Variants in LETMD1 observed in about 807,000 individuals in gnomAD.
LETMD1 encodes the protein LETM1 domain-containing protein 1.
A neutral mutation model predicts 43.9 loss-of-function variants in LETMD1; 30 were observed. The observed-to-expected ratio is 0.68, with a 90% confidence interval of 0.51 to 0.93. LETMD1 has a LOEUF of 0.93. LETMD1 is among the 40% of genes least tolerant of loss of function. The pLI is 0.00. For synonymous variants in LETMD1, 176 were observed against 163.1 expected (o/e 1.08, Z -0.60); for missense variants, 413 against 447.7 (o/e 0.92, Z 0.70).
At chr12:51,052,371 G>T in intron 3 of LETMD1, 164 bp downstream of exon 3, 1 of 754,452 alleles carries the variant, frequency 1.3e-6, no homozygotes, top group Non-Finnish European at 2.1e-6. Flanking sequence ...TTATTTGTAA[G>T]AATTGGGTTC....
chr12:51,049,148 C>A lies in LETMD1; in HGVS notation c.237C>A (p.Phe79Leu). The A allele has an allele frequency of 6.2e-7, 1 of 1,613,900 alleles. No individual in the cohort carries two copies. The highest frequency in any genetic ancestry group is 8.5e-7 in the Non-Finnish European group (1 of 1,179,846). Residue 79 changes from phenylalanine to leucine, a missense_variant, in exon 2 of 9, where the codon TTC (phenylalanine) becomes TTA (leucine). Transcript: ENST00000262055. Reference sequence around the variant, plus strand: ...ACCATCGTTTCTTGGGTCGTCATTTCCCCCGCTTCTATGTCCTGTACACAA... The same window carrying A: ...ACCATCGTTTCTTGGGTCGTCATTTACCCCGCTTCTATGTCCTGTACACAA... ...GKYHRFLGRH[F>L]PRFYVLYTIF...
chr12:51,063,803 C>G, downstream of LETMD1: 11 of 1,605,454 alleles, frequency 6.9e-6, no homozygotes, highest in Non-Finnish European at 9.4e-6. Flanking sequence ...CCTCATTCTG[C>G]TGGGAGGTCT....
chr12:51,059,427 G>T lies in LETMD1; in HGVS notation c.1079G>T (p.Arg360Leu), dbSNP rs749952646. 1.9e-6 allele frequency: 3 copies of T among 1,613,914 alleles called. No homozygotes were observed. Among genetic ancestry groups the T allele is most frequent in the Non-Finnish European group, 2.5e-6 (3 of 1,179,738 alleles). Residue 360 changes from arginine to leucine, a missense_variant, in exon 9 of 9, where the codon CGC becomes CTC. Coordinates refer to ENST00000262055, the MANE Select transcript of LETMD1 (RefSeq NM_015416.5). Reference protein sequence around the residue: ...LLSTNYLGTRR With the variant: ...LLSTNYLGTRL ...TCCACCAACTACCTTGGGACAAGGCGCTGAATGAACCATGGAGCGGATGGC... is the reference window on the plus strand; with the variant it reads ...TCCACCAACTACCTTGGGACAAGGCTCTGAATGAACCATGGAGCGGATGGC...
chr12:51,049,048 A>C lies in LETMD1; in HGVS notation c.137A>C (p.His46Pro), dbSNP rs1441966559. Residue 46 changes from histidine to proline, a missense_variant, in exon 2 of 9, where the codon CAC becomes CCC. Transcript: ENST00000262055. The stretch of plus-strand genomic sequence containing the variant: ...CTTCCTTGTAGGTCTTCAAAGCTTC[A>C]CCTTTCTCCAAAGGCAGATGTGAAG... Reference protein sequence around the residue: ...AWGAPRSSKLHLSPKADVKNL... With the variant: ...AWGAPRSSKLPLSPKADVKNL... The C allele has an allele frequency of 3.1e-6, 5 of 1,613,924 alleles. No individual in the cohort carries two copies. The highest frequency in any genetic ancestry group is 4.2e-6 in the Non-Finnish European group (5 of 1,179,942).
chr12:51,052,286 A>G, intron 3 of LETMD1, 79 bp downstream of exon 3: 1 of 1,544,194 alleles, frequency 6.5e-7, no homozygotes, highest in Non-Finnish European at 8.8e-7. Context: ...TTTTTCTTTC[A>G]TTTGTTGTTC....
In LETMD1 at chr12:51,059,879, T is replaced by C. The variant is rs749023421; in HGVS notation, c.*448T>C. The C allele has an allele frequency of 5.8e-5, 10 of 171,898 alleles. No individual in the cohort carries two copies. Among genetic ancestry groups the C allele is most frequent in the Non-Finnish European group, 7.6e-5 (6 of 79,340 alleles). The allele number at this position is 171,898 out of a possible 1,614,324, so 10.6% of individuals were successfully genotyped here. A position where few individuals can be genotyped will look rare whatever the true frequency, so the allele number is the denominator to read the frequency against. On this transcript the variant is annotated 3_prime_UTR_variant, in exon 9 of 9. Transcript: ENST00000262055. ...GTGGCTGGTGAAAACAGCACTCCTTTGGCTGGAGCACATGTGTCCGTGCAT... is the reference window on the plus strand; with the variant it reads ...GTGGCTGGTGAAAACAGCACTCCTTCGGCTGGAGCACATGTGTCCGTGCAT...
rs1200122632 is a variant in LETMD1, at chr12:51,056,468, G to A, written c.881G>A (p.Gly294Glu). ...HQLDKALAKL[G>E]IGQLTAQEVK... ...CTGGACAAGGCTTTGGCAAAGCTGG[G>A]GATTGGCCAGCTGACTGCTCAGGAA... The change falls in exon 7 of 9, where the codon GGG becomes GAG. Residue 294 changes from glycine to glutamate, a missense_variant. Transcript: ENST00000262055. 1 of 1,614,118 alleles carries A rather than the reference G, an allele frequency of 6.2e-7. No individual in the cohort carries two copies. Among genetic ancestry groups the A allele is most frequent in the South Asian group, 1.1e-5 (1 of 91,078 alleles).
At chr12:51,067,973 C>T in the LETMD1 span, 8 of 1,611,594 alleles carry the variant, frequency 5.0e-6, no homozygotes, top group Non-Finnish European at 5.9e-6. The surrounding 1 kb of genome is among the most constrained non-coding windows in gnomAD (Gnocchi z 4.1). Context: ...TGGTCAGCTG[C>T]CAAGAGACAG....
intron 5 of LETMD1, 33 bp from the exon 6 acceptor site, chr12:51,056,110 TC>T: frequency 6.2e-7 from 1 of 1,610,588 alleles, no homozygotes; most frequent in Non-Finnish European, 8.5e-7. Flanking sequence ...GTCAGGACTT[TC>T]CTAACATCTA....
At chr12:51,062,657 G>C (rs753965992), downstream of LETMD1, 23 of 152,132 alleles carry the variant, frequency 1.5e-4, no homozygotes, top group Non-Finnish European at 3.1e-4. Context: ...TCTTGGAATT[G>C]AACTGGAACA....
At chr12:51,053,698 G>A (rs1156879997) in intron 3 of LETMD1, 80 bp from the exon 4 acceptor site, 1 of 934,862 alleles carries the variant, frequency 1.1e-6, no homozygotes. Context: ...GAAGTTTACT[G>A]TACAGTGGGG....
At chr12:51,058,200 G>A in intron 8 of LETMD1, 72 bp downstream of exon 8, 1 of 981,110 alleles carries the variant, frequency 1.0e-6, no homozygotes, top group Non-Finnish European at 1.6e-6. Context: ...GGTCATTTTG[G>A]AGTTAATTAT....
chr12:51,056,677 C>G, intron 7 of LETMD1, 175 bp downstream of exon 7: 1 of 543,564 alleles, frequency 1.8e-6, no homozygotes, highest in East Asian at 3.5e-5. Flanking sequence ...TATTTTGAGA[C>G]AGAGTCTCAT....
intron 1 of LETMD1, chr12:51,048,710 T>C (rs1945054860): frequency 1.6e-6 from 1 of 615,254 alleles, no homozygotes; most frequent in Admixed American, 3.0e-5. Context: ...AGCTCATCTT[T>C]CAGCCTCACT....
At position 51,055,846 on chromosome 12, in the gene LETMD1, C is replaced by T. The variant is rs1348392979; in HGVS notation, c.485C>T (p.Pro162Leu). 1.3e-6 allele frequency: 2 copies of T among 1,597,988 alleles called. No homozygotes were observed. Among genetic ancestry groups the T allele is most frequent in the African/African-American group, 1.4e-5 (1 of 74,018 alleles). ...CTTTCTCCTTTCAGGTACCTGTTTC[C>T]CAGGCAACTACTGATCAGGCATTTC... The part of the protein sequence containing the change: ...YLVFLLMYLF[P>L]RQLLIRHFWT... Residue 162 changes from proline (P) to leucine (L), a missense_variant, in exon 5 of 9, where the codon CCC becomes CTC. Pro to Leu is a moderately conservative substitution (Grantham distance 98, BLOSUM62 -3). Transcript: ENST00000262055.
chr12:51,062,393 T>C (rs1270448401), downstream of LETMD1: 3 of 152,210 alleles, frequency 2.0e-5, no homozygotes, highest in African/African-American at 4.8e-5. Flanking sequence ...GAGACAAAGA[T>C]CACTTTGCTA....
intron 7 of LETMD1, chr12:51,056,717 C>T (rs567657821): frequency 9.7e-6 from 4 of 410,500 alleles, no homozygotes; most frequent in Admixed American, 4.1e-5. Flanking sequence ...TACAGTGGCA[C>T]AGTCTTGGCT....
At chr12:51,062,101 TTA>T (rs1400542704), downstream of LETMD1, 1 of 152,200 alleles carries the variant, frequency 6.6e-6, no homozygotes, top group Non-Finnish European at 1.5e-5. Context: ...CTAAAAAATG[TTA>T]TGTGTATTAA....
chr12:51,056,691 G>A, intron 7 of LETMD1, 189 bp downstream of exon 7: 2 of 491,938 alleles, frequency 4.1e-6, no homozygotes, highest in Non-Finnish European at 6.9e-6. Context: ...GTCTCATTCT[G>A]TTGCCCAGGC....
Sources: allele counts gnomAD v4.1 joint callset, GRCh38; gene constraint gnomAD v4.1.1; non-coding constraint Gnocchi (gnomAD v3.1); transcripts MANE v1.5; gene names NCBI Gene and HGNC (gene_info 2026-07-23, HGNC 2026-07-21).